The following FGF14 variants were observed in gnomAD, a reference collection of about 807,000 sequenced individuals.
FGF14 encodes fibroblast growth factor homologous factor 4.
A neutral mutation model predicts 25.5 loss-of-function variants in FGF14; 5 were observed. The observed-to-expected ratio is 0.20, with a 90% CI of 0.10 to 0.41. FGF14 has a LOEUF of 0.41. FGF14 is among the 10% of genes least tolerant of loss of function. The pLI, the probability that FGF14 is intolerant of heterozygous loss-of-function variation, is 1.00. For synonymous variants in FGF14, 138 were observed against 118.3 expected (o/e 1.17, Z -1.08); for missense variants, 222 against 320.1 (o/e 0.69, Z 2.34).
intron 3 of FGF14, among the ~76,000 whole-genome samples, chr13:101,832,104 T>G (rs1272548413): frequency 2.0e-5 from 3 of 152,034 alleles, no homozygotes; most frequent in African/African-American, 7.2e-5. Flanking sequence ...CACATATGTC[T>G]CCTCGTAAGA....
chr13:101,795,346 G>A (rs891869026), intron 3 of FGF14, among the ~76,000 whole-genome samples: 2 of 151,988 alleles, frequency 1.3e-5, no homozygotes, highest in Non-Finnish European at 2.9e-5. Context: ...CATATAAGAA[G>A]TATATTTAAA....
chr13:101,743,322 G>A (rs964817868), intron 3 of FGF14, among the ~76,000 whole-genome samples: 1 of 152,124 alleles, frequency 6.6e-6, no homozygotes, highest in Non-Finnish European at 1.5e-5. Flanking sequence ...ATAACTGTGA[G>A]GCAGATCAAT....
chr13:101,879,492 T>G (rs1473737346), intron 1 of FGF14, among the ~76,000 whole-genome samples: 1 of 152,164 alleles, frequency 6.6e-6, no homozygotes, highest in Non-Finnish European at 1.5e-5. Flanking sequence ...AGAAATGAGT[T>G]CAATTAAATT....
At chr13:102,335,239 G>A (rs932027332) in intron 1 of FGF14, among the ~76,000 whole-genome samples, 1 of 152,056 alleles carries the variant, frequency 6.6e-6, no homozygotes, top group African/African-American at 2.4e-5. Flanking sequence ...CTTCACCAAT[G>A]CACAAACATG....
At chr13:102,141,359 C>G (rs951526936) in intron 1 of FGF14, among the ~76,000 whole-genome samples, 1 of 152,314 alleles carries the variant, frequency 6.6e-6, no homozygotes, top group African/African-American at 2.4e-5. Flanking sequence ...GGGTCAGTTA[C>G]TGCTACGTTA....
At chr13:102,208,668 A>G (rs1449425695) in intron 1 of FGF14, among the ~76,000 whole-genome samples, 1 of 152,206 alleles carries the variant, frequency 6.6e-6, no homozygotes, top group Non-Finnish European at 1.5e-5. Context: ...AAATGTGAGG[A>G]TTATTACATT....
intron 1 of FGF14, among the ~76,000 whole-genome samples, chr13:102,224,480 G>A (rs964835278): frequency 5.9e-5 from 9 of 152,276 alleles, no homozygotes; most frequent in African/African-American, 1.9e-4. Flanking sequence ...ATGTCGCTAT[G>A]CTGAATTAAT....
At chr13:101,801,631 G>A (rs1441833446) in intron 3 of FGF14, among the ~76,000 whole-genome samples, 1 of 152,144 alleles carries the variant, frequency 6.6e-6, no homozygotes. Flanking sequence ...GAAAGAAGTG[G>A]GAGCATCTGA....
chr13:102,140,597 T>C (rs1270185530), intron 1 of FGF14, among the ~76,000 whole-genome samples: 1 of 151,990 alleles, frequency 6.6e-6, no homozygotes, highest in Non-Finnish European at 1.5e-5. Context: ...AGTGAGAAAA[T>C]AGGAAAATCC....
intron 1 of FGF14, among the ~76,000 whole-genome samples, chr13:101,954,235 C>T (rs920498377): frequency 7.0e-6 from 1 of 142,932 alleles, no homozygotes; most frequent in Non-Finnish European, 1.5e-5. Flanking sequence ...CCTGACCAGG[C>T]GTGACCTTGA....
intron 1 of FGF14, among the ~76,000 whole-genome samples, chr13:102,093,890 A>G (rs957565936): frequency 1.3e-5 from 2 of 151,560 alleles, no homozygotes; most frequent in Middle Eastern, 3.2e-3. Context: ...GCCAGCAGGC[A>G]TGAACATCTT....
intron 1 of FGF14, among the ~76,000 whole-genome samples, chr13:102,284,072 G>A (rs2053974659): frequency 6.6e-6 from 1 of 152,188 alleles, no homozygotes; most frequent in Non-Finnish European, 1.5e-5. Flanking sequence ...GGTGGGTAAT[G>A]CAGAAGTGCT....
intron 1 of FGF14, among the ~76,000 whole-genome samples, chr13:101,936,855 A>C (rs1186718259): frequency 6.6e-6 from 1 of 152,202 alleles, no homozygotes; most frequent in Non-Finnish European, 1.5e-5. Flanking sequence ...ACAAAGCCTT[A>C]ATTTACCATC....
intron 1 of FGF14, among the ~76,000 whole-genome samples, chr13:101,948,166 A>C (rs1213165708): frequency 6.6e-6 from 1 of 152,226 alleles, no homozygotes; most frequent in Admixed American, 6.5e-5. Context: ...GGTGAAGCAA[A>C]GACATTTGGT....
chr13:102,236,508 C>T (rs910388024), intron 1 of FGF14, among the ~76,000 whole-genome samples: 7 of 152,110 alleles, frequency 4.6e-5, no homozygotes, highest in Admixed American at 3.9e-4. Flanking sequence ...GAAGAGCAAA[C>T]GACTGGTGGC....
At chr13:102,122,293 CTT>C (rs2140368221) in intron 1 of FGF14, among the ~76,000 whole-genome samples, 1 of 152,306 alleles carries the variant, frequency 6.6e-6, no homozygotes, top group African/African-American at 2.4e-5. Context: ...CTGAAATTCT[CTT>C]TTATTATCCA....
At chr13:102,067,553 G>A (rs952474165) in intron 1 of FGF14, among the ~76,000 whole-genome samples, 1 of 151,336 alleles carries the variant, frequency 6.6e-6, no homozygotes, top group East Asian at 1.9e-4. Flanking sequence ...CTTCCCAAGA[G>A]CACGCTTCCC....
chr13:102,273,182 G>T (rs2053338124), intron 1 of FGF14, among the ~76,000 whole-genome samples: 1 of 152,192 alleles, frequency 6.6e-6, no homozygotes, highest in South Asian at 2.1e-4. Flanking sequence ...GACATATGGT[G>T]TGGTTCAAGC....
chr13:101,854,511 C>T (rs2044023976), intron 3 of FGF14, among the ~76,000 whole-genome samples: 1 of 152,000 alleles, frequency 6.6e-6, no homozygotes, highest in Non-Finnish European at 1.5e-5. Flanking sequence ...TGTTTGCTGA[C>T]CTAGTATAAT....
Sources: gnomAD v4.1 joint callset for allele counts (sites outside exome capture counted in the v4.1 genomes callset) on GRCh38, gnomAD v4.1.1 for gene constraint, MANE v1.5 for transcripts, NCBI Gene and HGNC (gene_info 2026-07-23, HGNC 2026-07-21) for gene names.